ZFAND3: variants seen among roughly 807,000 people sequenced by gnomAD.
ZFAND3 encodes the protein zinc finger AN1-type containing 3.
Under a neutral mutation model 29.6 loss-of-function variants are expected in ZFAND3, and 10 were observed. That is an observed-to-expected ratio of 0.34 (90% CI 0.21 to 0.57). The LOEUF is 0.57. Among genes scored for constraint, ZFAND3 ranks in the 20% least tolerant of loss-of-function variants. The pLI is 0.86. For missense variants in ZFAND3, 230 were observed against 304.5 expected (o/e 0.76, Z 1.82); for synonymous variants, 128 against 112.6 (o/e 1.14, Z -0.87).
intron 1 of ZFAND3, among the ~76,000 whole-genome samples, chr6:37,839,382 G>A (rs1461313111): frequency 6.6e-6 from 1 of 151,610 alleles, no homozygotes; most frequent in Non-Finnish European, 1.5e-5. Flanking sequence ...GGGTTTCACC[G>A]TGTTAGCTGG....
chr6:37,821,555 G>A (rs964450099), intron 1 of ZFAND3, among the ~76,000 whole-genome samples: 1 of 152,158 alleles, frequency 6.6e-6, no homozygotes, highest in Non-Finnish European at 1.5e-5. Context: ...GTGTAGGGTG[G>A]AGCTGGTGAG....
At position 38,153,778 on chromosome 6, in the gene ZFAND3, G is replaced by T; in HGVS notation, c.*1389G>T. 1.0e-6 allele frequency: 1 copy of T among 985,584 alleles called. No homozygotes were observed. The highest frequency in any genetic ancestry group is 1.1e-4 in the East Asian group (1 of 8,808). 61.1% of individuals were successfully genotyped at this position (985,584 alleles called of 1,614,324 possible). On this transcript the variant is annotated 3_prime_UTR_variant, in exon 6 of 6. Transcript: ENST00000287218. The stretch of plus-strand genomic sequence containing the variant: ...GGATTCCCTTGAAAGCCCAGGCAGG[G>T]TGAGCAGTCCCAGTGGTCCTAGTGC...
chr6:37,842,989 G>A (rs1035325638), intron 1 of ZFAND3, among the ~76,000 whole-genome samples: 9 of 152,052 alleles, frequency 5.9e-5, no homozygotes, highest in Admixed American at 3.9e-4. Flanking sequence ...AGGCGTGGTG[G>A]TGTGTGCCTG....
intron 3 of ZFAND3, chr6:38,062,588 T>G (rs1764263013): frequency 6.6e-6 from 1 of 152,056 alleles, no homozygotes; most frequent in South Asian, 2.1e-4. Context: ...GCCAAGCTGG[T>G]CTCGAACTCC....
In ZFAND3 at chr6:37,885,363, G is replaced by T. The variant is rs542079294; in HGVS notation, c.72-44596G>T. On this transcript the variant is annotated intron_variant, in intron 1 of 5. Transcript: ENST00000287218. ...ATATGGTTTATAAATGAAGATCTGGGCTAGACGCGGTGGCTCACGTCTGTA... is the reference window on the plus strand; with the variant it reads ...ATATGGTTTATAAATGAAGATCTGGTCTAGACGCGGTGGCTCACGTCTGTA... 2.6e-5 allele frequency among the ~76,000 whole-genome samples: 4 copies of T among 152,322 alleles called. No individual in the cohort carries two copies. The South Asian group carries it at 6.2e-4, about 24-fold the overall frequency.
At chr6:37,826,370 G>C (rs1007995710) in intron 1 of ZFAND3, among the ~76,000 whole-genome samples, 10 of 152,148 alleles carry the variant, frequency 6.6e-5, no homozygotes, top group Non-Finnish European at 1.3e-4. Flanking sequence ...GGGTCCCTGT[G>C]TAACAAGATT....
intron 4 of ZFAND3, among the ~76,000 whole-genome samples, chr6:38,086,320 TA>T (rs1219574832): frequency 2.0e-5 from 3 of 152,166 alleles, no homozygotes; most frequent in African/African-American, 4.8e-5. Context: ...AGAAATTAGA[TA>T]GATGAAGGGT....
At chr6:38,136,843 A>C (rs915358814) in intron 5 of ZFAND3, among the ~76,000 whole-genome samples, 1 of 152,220 alleles carries the variant, frequency 6.6e-6, no homozygotes, top group African/African-American at 2.4e-5. Context: ...GCACAGGATG[A>C]CATTTGTTTC....
chr6:37,937,549 G>T (rs1015838255), intron 2 of ZFAND3, among the ~76,000 whole-genome samples: 3 of 151,414 alleles, frequency 2.0e-5, no homozygotes, highest in African/African-American at 7.3e-5. Context: ...CAGCTACTTG[G>T]GAGGCTGAGG....
intron 1 of ZFAND3, among the ~76,000 whole-genome samples, chr6:37,915,280 T>A (rs1017393217): frequency 6.6e-6 from 1 of 152,222 alleles, no homozygotes; most frequent in African/African-American, 2.4e-5. Context: ...TGGTTTGATC[T>A]TCTGTCTTGA....
chr6:37,984,989 A>G (rs1178607395), intron 2 of ZFAND3, among the ~76,000 whole-genome samples: 2 of 152,226 alleles, frequency 1.3e-5, no homozygotes, highest in African/African-American at 4.8e-5. Flanking sequence ...AAAATTAAAA[A>G]GGGATGTTTT....
At chr6:38,008,129 T>G (rs1272452509) in intron 2 of ZFAND3, among the ~76,000 whole-genome samples, 6 of 152,306 alleles carry the variant, frequency 3.9e-5, no homozygotes, top group African/African-American at 7.2e-5. Context: ...TTAGGTAACT[T>G]TCACATAGCC....
chr6:37,841,558 A>T (rs1764075948), intron 1 of ZFAND3, among the ~76,000 whole-genome samples: 1 of 152,150 alleles, frequency 6.6e-6, no homozygotes, highest in Admixed American at 6.5e-5. Flanking sequence ...AACTTGGCTC[A>T]CTGCAAGCTC....
intron 1 of ZFAND3, among the ~76,000 whole-genome samples, chr6:37,902,167 G>A (rs916164860): frequency 3.9e-5 from 6 of 152,126 alleles, no homozygotes; most frequent in Non-Finnish European, 5.9e-5. Context: ...ATAGCATTAT[G>A]GCCAGGTACA....
chr6:38,091,570 G>A (rs572046079), intron 4 of ZFAND3, among the ~76,000 whole-genome samples: 1 of 148,494 alleles, frequency 6.7e-6, no homozygotes, highest in South Asian at 2.1e-4. Flanking sequence ...CCTGTTAGAA[G>A]GCAGCATGTT....
chr6:38,001,510 CAA>C (rs1762947733), intron 2 of ZFAND3, among the ~76,000 whole-genome samples: 1 of 152,166 alleles, frequency 6.6e-6, no homozygotes, highest in African/African-American at 2.4e-5. Context: ...CAGAGCAGAG[CAA>C]CATAAACTCT....
At chr6:37,828,446 T>A (rs1763797512) in intron 1 of ZFAND3, among the ~76,000 whole-genome samples, 1 of 152,188 alleles carries the variant, frequency 6.6e-6, no homozygotes, top group Admixed American at 6.5e-5. Context: ...GGCAAAATCG[T>A]CTCCTGAAAA....
chr6:38,010,220 G>A lies in ZFAND3; in HGVS notation c.113-51373G>A, dbSNP rs193167203. Among the ~76,000 whole-genome samples, 194 of 152,286 alleles carry A rather than the reference G, an allele frequency of 1.3e-3. 1 individual carries two copies. The highest frequency in any genetic ancestry group is 2.2e-3 in the Admixed American group (33 of 15,308). On this transcript the variant is annotated intron_variant, in intron 2 of 5. Transcript: ENST00000287218. ...ACTCACAGTCACTCATTCTGGAACCGTTTAGACTCATCAATGAACCTAGCA... is the reference window on the plus strand; with the variant it reads ...ACTCACAGTCACTCATTCTGGAACCATTTAGACTCATCAATGAACCTAGCA...
intron 1 of ZFAND3, among the ~76,000 whole-genome samples, chr6:37,890,338 G>A (rs1343095331): frequency 6.6e-6 from 1 of 152,110 alleles, no homozygotes; most frequent in East Asian, 1.9e-4. Flanking sequence ...AGTGATCCCC[G>A]ATTGCTGATA....
Sources: allele counts gnomAD v4.1 joint callset (sites outside exome capture counted in the v4.1 genomes callset), GRCh38; gene constraint gnomAD v4.1.1; transcripts MANE v1.5; gene names NCBI Gene and HGNC (gene_info 2026-07-23, HGNC 2026-07-21).